Variants in DGKH observed in about 807,000 individuals in gnomAD.
The protein encoded by DGKH is DAG kinase eta.
DGKH carries 90 observed loss-of-function variants against 159.3 expected under a neutral mutation model. That is an observed-to-expected ratio of 0.57 (90% CI 0.48 to 0.67). DGKH has a LOEUF of 0.67. Ranked by LOEUF, DGKH falls within the 30% of genes least tolerant of loss-of-function variation. DGKH has a pLI of 0.00. For synonymous variants in DGKH, 536 were observed against 553.8 expected, an observed-to-expected ratio of 0.97 and a Z score of 0.45; for missense variants, 1,181 against 1,506.1, an observed-to-expected ratio of 0.78 and a Z score of 3.57.
At chr13:42,250,191 G>A (rs752716046) in intron 29 of DGKH, among the ~76,000 whole-genome samples, 5 of 150,834 alleles carry the variant, frequency 3.3e-5, no homozygotes, top group African/African-American at 2.4e-5. Context: ...GGATGGTCTC[G>A]ATCTCCTGAC....
intron 1 of DGKH, among the ~76,000 whole-genome samples, chr13:42,090,316 T>G (rs2593116): frequency 0.56 from 84,834 of 152,128 alleles, 24,239 homozygotes; most frequent in African/African-American, 0.67. Flanking sequence ...TTGTTAAAAT[T>G]TCAGTACTCT....
intron 1 of DGKH, among the ~76,000 whole-genome samples, chr13:42,119,108 C>A (rs1955017838): frequency 6.6e-6 from 1 of 152,128 alleles, no homozygotes; most frequent in East Asian, 1.9e-4. Flanking sequence ...TTATGGGCTG[C>A]CTACCTTGGG....
At chr13:42,197,034 A>G (rs1223667515) in intron 17 of DGKH, among the ~76,000 whole-genome samples, 1 of 152,076 alleles carries the variant, frequency 6.6e-6, no homozygotes, top group Non-Finnish European at 1.5e-5. Flanking sequence ...CAGGCGGATC[A>G]CCTGAGGTCA....
intron 1 of DGKH, among the ~76,000 whole-genome samples, chr13:42,076,391 A>G (rs1443177693): frequency 6.6e-6 from 1 of 152,196 alleles, no homozygotes; most frequent in Non-Finnish European, 1.5e-5. Context: ...ATTACCTGTC[A>G]TATTCTTGTC....
At chr13:42,252,145 A>G (rs1393656759) in intron 29 of DGKH, among the ~76,000 whole-genome samples, 1 of 151,150 alleles carries the variant, frequency 6.6e-6, no homozygotes, top group African/African-American at 2.4e-5. Context: ...TTTTTCCCCA[A>G]TCTGTGATGA....
intron 29 of DGKH, among the ~76,000 whole-genome samples, chr13:42,223,639 T>C (rs1401703888): frequency 6.6e-6 from 1 of 151,846 alleles, no homozygotes. Flanking sequence ...CACGCTCCTA[T>C]AGTTTCAGCT....
At chr13:42,254,439 C>G (rs1425696066) in intron 30 of DGKH, among the ~76,000 whole-genome samples, 1 of 152,064 alleles carries the variant, frequency 6.6e-6, no homozygotes, top group Non-Finnish European at 1.5e-5. Flanking sequence ...CAAGACCAGC[C>G]TGGCCAACAT....
chr13:42,183,243 C>G (rs1246281078), intron 13 of DGKH, among the ~76,000 whole-genome samples: 2 of 151,666 alleles, frequency 1.3e-5, no homozygotes, highest in Non-Finnish European at 2.9e-5. Context: ...GAGCTGTGAT[C>G]ACGCCATTGC....
At chr13:42,167,698 C>G (rs1483635159) in intron 9 of DGKH, among the ~76,000 whole-genome samples, 6 of 152,132 alleles carry the variant, frequency 3.9e-5, no homozygotes, top group Non-Finnish European at 8.8e-5. Context: ...CCTTCTTTGT[C>G]TCTGCCATGC....
chr13:42,131,605 G>C (rs1319664285), intron 3 of DGKH, among the ~76,000 whole-genome samples: 2 of 152,192 alleles, frequency 1.3e-5, no homozygotes, highest in East Asian at 3.8e-4. Flanking sequence ...ACTGAACAGG[G>C]ACCTATAGAT....
intron 1 of DGKH, among the ~76,000 whole-genome samples, chr13:42,081,207 G>A (rs1301056626): frequency 6.6e-6 from 1 of 151,928 alleles, no homozygotes; most frequent in Admixed American, 6.6e-5. Flanking sequence ...AGGTTGCCAT[G>A]CTACTAAGAA....
chr13:42,244,883 G>C (rs923249154), downstream of DGKH, among the ~76,000 whole-genome samples: 4 of 120,640 alleles, frequency 3.3e-5, no homozygotes, highest in African/African-American at 9.8e-5. Flanking sequence ...CAGCCTGGGC[G>C]ACAGAGCGAG....
chr13:42,078,078 G>A (rs1008175274), intron 1 of DGKH, among the ~76,000 whole-genome samples: 2 of 152,058 alleles, frequency 1.3e-5, no homozygotes, highest in Non-Finnish European at 2.9e-5. Context: ...TTATTTTCTG[G>A]AACTAAAATT....
intron 3 of DGKH, among the ~76,000 whole-genome samples, chr13:42,138,463 TG>T (rs1442518582): frequency 6.6e-6 from 1 of 152,202 alleles, no homozygotes; most frequent in African/African-American, 2.4e-5. Flanking sequence ...ACACAGTGCC[TG>T]GCACAGAGGG....
At chr13:42,155,002 A>G (rs998737111) in intron 3 of DGKH, among the ~76,000 whole-genome samples, 3 of 152,234 alleles carry the variant, frequency 2.0e-5, no homozygotes, top group Admixed American at 6.5e-5. Context: ...AAGTATATTT[A>G]AAATCAGTTT....
intron 21 of DGKH, among the ~76,000 whole-genome samples, chr13:42,206,640 TC>T (rs1361118854): frequency 2.0e-4 from 2 of 10,172 alleles, no homozygotes; most frequent in Non-Finnish European, 1.4e-3. Flanking sequence ...TAAGGGAGAC[TC>T]TTATTTCCCT....
chr13:42,246,519 A>G (rs1958581199), downstream of DGKH, among the ~76,000 whole-genome samples: 1 of 152,188 alleles, frequency 6.6e-6, no homozygotes, highest in South Asian at 2.1e-4. Context: ...TTTAATCCTC[A>G]TACCAACCCC....
intron 1 of DGKH, among the ~76,000 whole-genome samples, chr13:42,098,952 A>G (rs1043158620): frequency 1.3e-5 from 2 of 152,222 alleles, no homozygotes; most frequent in African/African-American, 2.4e-5. Context: ...TTACAAATTC[A>G]TAGGAAACAT....
At chr13:42,062,500 C>T (rs777788126) in intron 1 of DGKH, among the ~76,000 whole-genome samples, 39 of 152,034 alleles carry the variant, frequency 2.6e-4, no homozygotes, top group Non-Finnish European at 1.0e-4. Flanking sequence ...GTTATAAAGT[C>T]GTATTACCAG....
Sources: gnomAD v4.1 joint callset for allele counts (sites outside exome capture counted in the v4.1 genomes callset) on GRCh38, gnomAD v4.1.1 for gene constraint, MANE v1.5 for transcripts, NCBI Gene and HGNC (gene_info 2026-07-23, HGNC 2026-07-21) for gene names.